The following FAM169A variants were observed in gnomAD, a reference collection of about 807,000 sequenced individuals.
The protein encoded by FAM169A is soluble lamin-associated protein of 75 kDa.
In FAM169A, 24 loss-of-function variants were observed where a neutral mutation model predicts 75.7. That is an observed-to-expected ratio of 0.32 (90% confidence interval 0.23 to 0.45). The LOEUF is 0.45. Ranked by LOEUF, FAM169A falls within the 20% of genes least tolerant of loss-of-function variation. The pLI is 1.00. For synonymous variants in FAM169A, 271 were observed against 271.0 expected, an observed-to-expected ratio of 1.00 and a Z score of 0.00; for missense variants, 673 against 784.0, an observed-to-expected ratio of 0.86 and a Z score of 1.69.
At chr5:74,823,629 A>C (rs938290893) in intron 5 of FAM169A, among the ~76,000 whole-genome samples, 16 of 152,156 alleles carry the variant, frequency 1.1e-4, no homozygotes, top group African/African-American at 2.4e-4. Context: ...AGTCAACTCT[A>C]TCTCTCGAAT....
chr5:74,841,601 C>G lies in FAM169A; in HGVS notation c.76G>C (p.Asp26His). 6.2e-7 allele frequency: 1 copy of G among 1,613,234 alleles called. No homozygotes were observed. Among genetic ancestry groups the G allele is most frequent in the Non-Finnish European group, 8.5e-7 (1 of 1,179,402 alleles). ...TTTTCAGGGTCCCCACACCTTAAATCTGACATGTAATCTTCAGCAGAATTT... is the reference window on the plus strand; with the variant it reads ...TTTTCAGGGTCCCCACACCTTAAATGTGACATGTAATCTTCAGCAGAATTT... ...LENSAEDYMS[D>H]LRCGDPENPE... Residue 26 changes from aspartate (D) to histidine (H), a missense_variant, in exon 2 of 13, where the codon GAT becomes CAT. By Grantham distance (81) the Asp-to-His change is moderately conservative (BLOSUM62 -1). Transcript: ENST00000687041.
rs16872327 is a variant in FAM169A at position 74,841,914 on chromosome 5, T to C, written c.-3-235A>G. On this transcript the variant is annotated intron_variant, in intron 1 of 12. Transcript: ENST00000687041. ...ACAGGCAATGAAATAAATTAACAGA[T>C]ACGTCCTTACATAATAAATATGGTC... is the stretch of plus-strand genomic sequence containing the variant. Among the ~76,000 whole-genome samples the C allele has an allele frequency of 5.7e-3, 868 of 152,268 alleles. 9 individuals are homozygous for C. The highest frequency in any genetic ancestry group is 0.02 in the African/African-American group (836 of 41,552).
At chr5:74,852,642 G>A (rs533528862) in intron 1 of FAM169A, among the ~76,000 whole-genome samples, 1 of 152,066 alleles carries the variant, frequency 6.6e-6, no homozygotes. Flanking sequence ...ATGGATGACT[G>A]AAAGTACACC....
At position 74,800,962 on chromosome 5, in the gene FAM169A, G is replaced by A. The variant is rs768529089; in HGVS notation, c.1021C>T (p.Arg341Trp). Residue 341 changes from arginine to tryptophan, a missense_variant, in exon 10 of 13, where the codon CGG becomes TGG. By Grantham distance (101) the Arg-to-Trp change is moderately radical. Coordinates refer to ENST00000687041, the MANE Select transcript of FAM169A (RefSeq NM_001376049.1). The stretch of plus-strand genomic sequence containing the variant: ...CTGCTAAATTCAGAATCCTGAAACC[G>A]CTTTCCAATCTTTGGCCGCTTTAGA... ...GNLKRPKIGKRFQDSEFSSSQ... is the reference protein window; with the variant it reads ...GNLKRPKIGKWFQDSEFSSSQ... The A allele has an allele frequency of 2.3e-5, 36 of 1,560,764 alleles. No individual in the cohort carries two copies. Among genetic ancestry groups the A allele is most frequent in the Middle Eastern group, 1.7e-4 (1 of 5,936 alleles).
intron 1 of FAM169A, among the ~76,000 whole-genome samples, chr5:74,859,505 G>T (rs1749924864): frequency 6.6e-6 from 1 of 151,746 alleles, no homozygotes; most frequent in Non-Finnish European, 1.5e-5. Flanking sequence ...GGTCAGGCTG[G>T]TCTCAAACTC....
intron 8 of FAM169A, among the ~76,000 whole-genome samples, chr5:74,802,950 C>T (rs1746665507): frequency 6.6e-6 from 1 of 151,898 alleles, no homozygotes; most frequent in African/African-American, 2.4e-5. Flanking sequence ...ACCATCATCA[C>T]CTAAAGAATA....
At chr5:74,851,582 A>G (rs1336204324) in intron 1 of FAM169A, among the ~76,000 whole-genome samples, 1 of 152,168 alleles carries the variant, frequency 6.6e-6, no homozygotes, top group African/African-American at 2.4e-5. Flanking sequence ...AAATTAATAG[A>G]TATTTAAGAG....
At chr5:74,825,211 T>C (rs1331878389) in intron 5 of FAM169A, among the ~76,000 whole-genome samples, 1 of 152,190 alleles carries the variant, frequency 6.6e-6, no homozygotes, top group African/African-American at 2.4e-5. Context: ...TCAGGTATTC[T>C]ATGAACTCTA....
chr5:74,832,895 G>A (rs1003918404), intron 5 of FAM169A, among the ~76,000 whole-genome samples: 5 of 151,972 alleles, frequency 3.3e-5, no homozygotes, highest in Non-Finnish European at 7.4e-5. Flanking sequence ...AAGACAATTA[G>A]AGATATATGG....
intron 1 of FAM169A, among the ~76,000 whole-genome samples, chr5:74,853,769 G>A (rs1363341605): frequency 9.3e-5 from 13 of 139,342 alleles, no homozygotes; most frequent in South Asian, 2.3e-4. Context: ...GTGCAGTGGC[G>A]CCATCTCGGC....
rs1481329812 is a variant in FAM169A at position 74,805,242 on chromosome 5, A to T, written c.713T>A (p.Leu238His). 1.1e-5 allele frequency: 18 copies of T among 1,613,528 alleles called. No homozygotes were observed. The highest frequency in any genetic ancestry group is 6.7e-5 in the East Asian group (3 of 44,864). Reference protein sequence around the residue: ...YFEKYPGDHELLWEVEGVGHW... With the variant: ...YFEKYPGDHEHLWEVEGVGHW... ...TCCAACACCTTCAACTTCCCAAAGGAGTTCATGGTCTCCTGGATACTTCTC... is the reference window on the plus strand; with the variant it reads ...TCCAACACCTTCAACTTCCCAAAGGTGTTCATGGTCTCCTGGATACTTCTC... Residue 238 changes from leucine to histidine, a missense_variant, in exon 7 of 13, where the codon CTC (leucine) becomes CAC (histidine). Transcript: ENST00000687041.
chr5:74,799,064 C>T, intron 10 of FAM169A: 2 of 1,008,276 alleles, frequency 2.0e-6, no homozygotes, highest in South Asian at 1.3e-5. Context: ...ACCCAGATTG[C>T]CCTCAGTGTC....
chr5:74,824,894 G>A (rs1436249166), intron 5 of FAM169A, among the ~76,000 whole-genome samples: 1 of 151,880 alleles, frequency 6.6e-6, no homozygotes, highest in Non-Finnish European at 1.5e-5. Flanking sequence ...GAACTTGGAA[G>A]GTGAGAATTT....
At chr5:74,852,091 G>A (rs552447333) in intron 1 of FAM169A, among the ~76,000 whole-genome samples, 1 of 152,100 alleles carries the variant, frequency 6.6e-6, no homozygotes, top group East Asian at 1.9e-4. Context: ...ACCAAAACTT[G>A]GCACTTAATT....
chr5:74,802,591 T>G (rs188132599), intron 8 of FAM169A, among the ~76,000 whole-genome samples: 1 of 152,258 alleles, frequency 6.6e-6, no homozygotes, highest in Non-Finnish European at 1.5e-5. Flanking sequence ...GTACCTCCAA[T>G]TACTTGCTAT....
In FAM169A at chr5:74,820,971, C is replaced by A. The variant is rs1424141627; in HGVS notation, c.491-6952G>T. ...CCTCAGGGCTTCTGCATTTTCAGCT[C>A]TTTGCCTGAAAATTTCTTCTCCTGA... On this transcript the variant is annotated intron_variant, in intron 5 of 12. Transcript: ENST00000687041. 2.0e-5 allele frequency among the ~76,000 whole-genome samples: 3 copies of A among 152,218 alleles called. No individual in the cohort carries two copies. In the East Asian group the frequency reaches 5.8e-4, roughly 29 times the overall value.
At chr5:74,862,294 C>A (rs1249950333) in intron 1 of FAM169A, among the ~76,000 whole-genome samples, 1 of 152,210 alleles carries the variant, frequency 6.6e-6, no homozygotes, top group Non-Finnish European at 1.5e-5. Flanking sequence ...CATACACATC[C>A]ATTCACAATC....
chr5:74,795,258 C>CAAAAAG (rs1320533047), intron 11 of FAM169A, among the ~76,000 whole-genome samples: 2 of 151,926 alleles, frequency 1.3e-5, no homozygotes, highest in Non-Finnish European at 2.9e-5. Flanking sequence ...AACTCCGTCT[C>CAAAAAG]AAAAAGAAAA....
At chr5:74,795,971 T>G (rs115374577) in intron 11 of FAM169A, 59 bp downstream of exon 11, 1 of 1,537,908 alleles carries the variant, frequency 6.5e-7, no homozygotes, top group African/African-American at 1.4e-5. Flanking sequence ...CAACATGTGA[T>G]TAAGAAAGGT....
Sources: allele counts gnomAD v4.1 joint callset (sites outside exome capture counted in the v4.1 genomes callset), GRCh38; gene constraint gnomAD v4.1.1; transcripts MANE v1.5; gene names NCBI Gene and HGNC (gene_info 2026-07-23, HGNC 2026-07-21).